The following FOXP1 variants were observed in gnomAD, a reference collection of about 807,000 sequenced individuals.
FOXP1 encodes the protein forkhead box P1, also known as forkhead box protein P1.
FOXP1 carries 15 observed loss-of-function variants against 98.2 expected under a neutral mutation model. The observed-to-expected ratio is 0.15, with a 90% CI of 0.10 to 0.24. FOXP1 has a LOEUF of 0.24. FOXP1 is among the 10% of genes least tolerant of loss of function. The probability of loss-of-function intolerance (pLI) is 1.00; values close to 1 mark genes in which losing one functional copy is unlikely to be tolerated. For missense variants in FOXP1, 633 were observed against 848.5 expected (o/e 0.75, Z 3.15); for synonymous variants, 371 against 314.5 (o/e 1.18, Z -1.90).
intron 3 of FOXP1, among the ~76,000 whole-genome samples, chr3:71,418,845 C>A (rs1247104691): frequency 6.7e-6 from 1 of 150,338 alleles, no homozygotes; most frequent in Non-Finnish European, 1.5e-5. Flanking sequence ...ATCTGCCAGG[C>A]ATGGTGGCTT....
intron 7 of FOXP1, among the ~76,000 whole-genome samples, chr3:71,088,443 G>A (rs1199688829): frequency 6.8e-6 from 1 of 146,922 alleles, no homozygotes; most frequent in Non-Finnish European, 1.5e-5. Flanking sequence ...CCATAAGAAT[G>A]TAATCTCCCG....
chr3:71,198,052 T>C lies in FOXP1; in HGVS notation c.180+150A>G, dbSNP rs1576337819. 9.3e-6 allele frequency: 15 copies of C among 1,614,106 alleles called. No homozygotes were observed. In the East Asian group the frequency reaches 2.7e-4, roughly 29 times the overall value. On this transcript the variant is annotated intron_variant, in intron 6 of 20. Coordinates refer to ENST00000649528, the MANE Select transcript of FOXP1 (RefSeq NM_001349338.3). ...ACTGCTGGGACTCCTAGAGGGCTGA[T>C]GGTTTATGAGATGCCACTGACAGAC...
At chr3:71,140,504 A>T (rs1452604161) in intron 6 of FOXP1, among the ~76,000 whole-genome samples, 2 of 152,226 alleles carry the variant, frequency 1.3e-5, no homozygotes, top group African/African-American at 2.4e-5. Context: ...TTTCAATTCC[A>T]CACCAGATTT....
chr3:71,115,333 A>G (rs2058288574), intron 6 of FOXP1, among the ~76,000 whole-genome samples: 1 of 150,380 alleles, frequency 6.6e-6, no homozygotes, highest in Admixed American at 6.7e-5. Context: ...TTATTTATTT[A>G]TTTATTTATT....
chr3:71,055,165 TCA>T (rs1385890833), intron 7 of FOXP1, among the ~76,000 whole-genome samples: 16 of 152,216 alleles, frequency 1.1e-4, no homozygotes, highest in Non-Finnish European at 2.2e-4. Flanking sequence ...ATTCCTAATT[TCA>T]CAGTCATTAT....
chr3:71,384,217 AAAACAAACAAAC>A (rs57270594), intron 3 of FOXP1, among the ~76,000 whole-genome samples: 6 of 152,088 alleles, frequency 3.9e-5, no homozygotes, highest in Admixed American at 1.3e-4. Flanking sequence ...CCGTCTCAGC[AAAACAAACAAAC>A]AAACAAACAA....
intron 5 of FOXP1, among the ~76,000 whole-genome samples, chr3:71,205,616 A>G (rs2063978301): frequency 1.3e-5 from 2 of 152,200 alleles, no homozygotes; most frequent in African/African-American, 4.8e-5. Flanking sequence ...CTAAGAACCC[A>G]TGGAAGTGAG....
At position 70,959,913 on chromosome 3, in the gene FOXP1, G is replaced by A. The variant is rs192544844; in HGVS notation, c.1890-522C>T. Reference sequence around the variant, plus strand: ...CACTGAGTACCAGATAACAGGTCCCGTAGTGGCATCCTGGGTGGATGAATA... The same window carrying A: ...CACTGAGTACCAGATAACAGGTCCCATAGTGGCATCCTGGGTGGATGAATA... On this transcript the variant is annotated intron_variant, in intron 20 of 20. Coordinates refer to ENST00000649528, the MANE Select transcript of FOXP1 (RefSeq NM_001349338.3). 2.9e-4 allele frequency among the ~76,000 whole-genome samples: 44 copies of A among 152,290 alleles called. No individual in the cohort carries two copies. In the East Asian group the frequency reaches 7.5e-3, roughly 26 times the overall value.
chr3:71,044,835 A>G (rs750890142), intron 10 of FOXP1, among the ~76,000 whole-genome samples: 1 of 152,208 alleles, frequency 6.6e-6, no homozygotes. Flanking sequence ...CACTGGCTCA[A>G]AGACAAACAG....
intron 6 of FOXP1, among the ~76,000 whole-genome samples, chr3:71,178,605 C>T (rs903037710): frequency 6.0e-5 from 9 of 150,914 alleles, no homozygotes; most frequent in South Asian, 2.2e-4. Context: ...AAAAATTGGC[C>T]GGGTGCGGTG....
At chr3:71,399,058 C>T (rs1443192373) in intron 3 of FOXP1, among the ~76,000 whole-genome samples, 1 of 152,096 alleles carries the variant, frequency 6.6e-6, no homozygotes, top group Non-Finnish European at 1.5e-5. Context: ...ATTTGTGATG[C>T]CTCGCTGATT....
chr3:71,057,366 C>T (rs2050823694), intron 7 of FOXP1, among the ~76,000 whole-genome samples: 1 of 106,774 alleles, frequency 9.4e-6, no homozygotes, highest in South Asian at 3.3e-4. Flanking sequence ...CTTGAGATAA[C>T]AACATTCATT....
At chr3:71,137,802 T>A (rs902931604) in intron 6 of FOXP1, among the ~76,000 whole-genome samples, 52 of 148,656 alleles carry the variant, frequency 3.5e-4, no homozygotes, top group African/African-American at 1.2e-3. Context: ...ATTATTATTT[T>A]TTTTTTTTGG....
intron 14 of FOXP1, among the ~76,000 whole-genome samples, chr3:70,981,634 G>C (rs1352236674): frequency 3.3e-5 from 5 of 152,162 alleles, no homozygotes; most frequent in Non-Finnish European, 5.9e-5. Context: ...ATGGCTATGA[G>C]GTAAACTAAT....
intron 2 of FOXP1, among the ~76,000 whole-genome samples, chr3:71,539,410 C>G (rs371678728): frequency 6.6e-6 from 1 of 150,966 alleles, no homozygotes; most frequent in Non-Finnish European, 1.5e-5. Flanking sequence ...CGTGAGCCGC[C>G]GCGCTCGGTC....
intron 5 of FOXP1, among the ~76,000 whole-genome samples, chr3:71,273,047 G>T (rs972261916): frequency 1.3e-5 from 2 of 152,130 alleles, no homozygotes; most frequent in African/African-American, 4.8e-5. Flanking sequence ...TCGTGTGTGC[G>T]CATCCATCTG....
intron 6 of FOXP1, among the ~76,000 whole-genome samples, chr3:71,150,036 G>A (rs6800929): frequency 0.47 from 71,517 of 152,098 alleles, 17,486 homozygotes; most frequent in East Asian, 0.87. Context: ...AATCCATTTG[G>A]AAGTGTTTGG....
intron 3 of FOXP1, among the ~76,000 whole-genome samples, chr3:71,487,317 C>T (rs898096219): frequency 1.6e-4 from 25 of 152,182 alleles, no homozygotes; most frequent in Admixed American, 9.8e-4. Flanking sequence ...ACCTTGGCTT[C>T]CCAGTGTTGG....
chr3:71,302,440 A>G lies in FOXP1; in HGVS notation c.-72-2560T>C, dbSNP rs150802324. On this transcript the variant is annotated intron_variant, in intron 4 of 20. Coordinates refer to ENST00000649528, the MANE Select transcript of FOXP1 (RefSeq NM_001349338.3). Reference sequence around the variant, plus strand: ...TCACTTTTACTTATCAAATAGATCAACTATTTACCTGTATGCTTACTGGCA... The same window carrying G: ...TCACTTTTACTTATCAAATAGATCAGCTATTTACCTGTATGCTTACTGGCA... Among the ~76,000 whole-genome samples, 471 of 151,738 alleles carry G rather than the reference A, an allele frequency of 3.1e-3. 2 individuals are homozygous for G. Among genetic ancestry groups the G allele is most frequent in the African/African-American group, 0.011 (449 of 41,406 alleles).
Sources: gnomAD v4.1 joint callset for allele counts (sites outside exome capture counted in the v4.1 genomes callset) on GRCh38, gnomAD v4.1.1 for gene constraint, MANE v1.5 for transcripts, NCBI Gene and HGNC (gene_info 2026-07-23, HGNC 2026-07-21) for gene names.